Variants in DGKB observed in about 807,000 individuals in gnomAD.
DGKB encodes diacylglycerol kinase beta.
A neutral mutation model predicts 114.3 loss-of-function variants in DGKB; 67 were observed. That is an observed-to-expected ratio of 0.59 (90% CI 0.48 to 0.72). DGKB has a LOEUF of 0.72. Ranked by LOEUF, DGKB falls within the 30% of genes least tolerant of loss-of-function variation. The pLI, the probability that DGKB is intolerant of heterozygous loss-of-function variation, is 0.00. For missense variants in DGKB, 907 were observed against 975.2 expected (o/e 0.93, Z 0.93); for synonymous variants, 398 against 323.1 (o/e 1.23, Z -2.49).
At chr7:14,944,385 G>A (rs1785744592) in intron 1 of DGKB, among the ~76,000 whole-genome samples, 1 of 151,876 alleles carries the variant, frequency 6.6e-6, no homozygotes, top group East Asian at 1.9e-4. Context: ...GGCAGTAACA[G>A]CTGATGACAA....
At chr7:14,277,604 C>A (rs2128446260) in intron 23 of DGKB, among the ~76,000 whole-genome samples, 1 of 152,308 alleles carries the variant, frequency 6.6e-6, no homozygotes, top group Middle Eastern at 3.4e-3. Flanking sequence ...GCGTTTCCCT[C>A]TTTAAGGCTG....
intron 23 of DGKB, among the ~76,000 whole-genome samples, chr7:14,248,416 A>T (rs1055137694): frequency 6.6e-6 from 1 of 152,132 alleles, no homozygotes; most frequent in East Asian, 1.9e-4. Flanking sequence ...TAGGAATTAC[A>T]TTGAATCTGT....
intron 20 of DGKB, among the ~76,000 whole-genome samples, chr7:14,496,028 G>C (rs1785259808): frequency 6.6e-6 from 1 of 151,724 alleles, no homozygotes; most frequent in African/African-American, 2.4e-5. Context: ...TATACTTTTT[G>C]ACTACACAGT....
At chr7:14,380,356 T>C (rs1222437570) in intron 21 of DGKB, among the ~76,000 whole-genome samples, 1 of 152,120 alleles carries the variant, frequency 6.6e-6, no homozygotes, top group Non-Finnish European at 1.5e-5. Context: ...ATGAAAAGTC[T>C]GATAATCAGT....
At chr7:14,472,923 G>C (rs557818825) in intron 21 of DGKB, among the ~76,000 whole-genome samples, 1 of 152,106 alleles carries the variant, frequency 6.6e-6, no homozygotes, top group African/African-American at 2.4e-5. Flanking sequence ...GAGGTGACTT[G>C]GGTGCTGTTA....
chr7:14,313,199 C>T (rs1805704847), intron 23 of DGKB, among the ~76,000 whole-genome samples: 2 of 152,138 alleles, frequency 1.3e-5, no homozygotes, highest in Admixed American at 1.3e-4. Context: ...CTCTTTTTCC[C>T]AACTACATAT....
chr7:14,785,042 T>C (rs974253909), intron 2 of DGKB, among the ~76,000 whole-genome samples: 3 of 152,178 alleles, frequency 2.0e-5, no homozygotes, highest in Non-Finnish European at 4.4e-5. Flanking sequence ...AACTGTGAGA[T>C]GGAGGTCACA....
chr7:14,591,035 G>T (rs1455323635), intron 17 of DGKB, among the ~76,000 whole-genome samples: 1 of 152,050 alleles, frequency 6.6e-6, no homozygotes, highest in African/African-American at 2.4e-5. Flanking sequence ...GGAGACACAA[G>T]GTACAGAGGA....
At chr7:14,192,602 C>T (rs988667314) in intron 23 of DGKB, among the ~76,000 whole-genome samples, 2 of 152,044 alleles carry the variant, frequency 1.3e-5, no homozygotes, top group Non-Finnish European at 2.9e-5. Context: ...CAGCGGTCCT[C>T]AATGTTTTTG....
At chr7:14,244,811 T>C (rs1160629235) in intron 23 of DGKB, among the ~76,000 whole-genome samples, 1 of 151,602 alleles carries the variant, frequency 6.6e-6, no homozygotes, top group African/African-American at 2.4e-5. Context: ...AAAAGACAGC[T>C]CTCTTCTCTA....
intron 7 of DGKB, among the ~76,000 whole-genome samples, chr7:14,699,289 C>T (rs998430684): frequency 6.6e-6 from 1 of 152,140 alleles, no homozygotes; most frequent in African/African-American, 2.4e-5. Context: ...ACATGCATTA[C>T]TAATCTCTCA....
chr7:14,154,770 G>T (rs1782740696), intron 25 of DGKB, among the ~76,000 whole-genome samples: 1 of 150,622 alleles, frequency 6.6e-6, no homozygotes, highest in Non-Finnish European at 1.5e-5. Flanking sequence ...CAAAGTGGTA[G>T]CATCTAATGA....
In DGKB at chr7:14,288,234, A is replaced by AT. The variant is rs1357871823; in HGVS notation, c.2122+50280dup. Among the ~76,000 whole-genome samples, 731 of 75,500 alleles carry AT rather than the reference A, an allele frequency of 9.7e-3. 7 individuals carry two copies. Among genetic ancestry groups the AT allele is most frequent in the African/African-American group, 0.02 (395 of 19,296 alleles). 49.5% of individuals were successfully genotyped at this position (75,500 alleles called of 152,430 possible). A position where few individuals can be genotyped will look rare whatever the true frequency, so the allele number is the denominator to read the frequency against. ...TTGATAATCTGTTTTTTTTTTTTTA[A>AT]TTTTTTTTTTTTGTTAAAAGAAAAA... is the stretch of plus-strand genomic sequence containing the variant. On this transcript the variant is annotated intron_variant, in intron 23 of 25. Transcript: ENST00000402815.
chr7:14,558,835 G>A (rs1430695895), intron 20 of DGKB, among the ~76,000 whole-genome samples: 2 of 152,210 alleles, frequency 1.3e-5, no homozygotes, highest in East Asian at 3.9e-4. Flanking sequence ...TTACACCTAG[G>A]ACTCCATTTG....
chr7:14,549,372 G>T (rs1794779853), intron 20 of DGKB, among the ~76,000 whole-genome samples: 1 of 151,760 alleles, frequency 6.6e-6, no homozygotes, highest in Non-Finnish European at 1.5e-5. Context: ...AAAAGAAGTT[G>T]TTTTACCCCC....
chr7:14,494,703 T>C (rs1785058462), intron 20 of DGKB, among the ~76,000 whole-genome samples: 1 of 151,904 alleles, frequency 6.6e-6, no homozygotes, highest in African/African-American at 2.4e-5. Context: ...GAATAGAAGG[T>C]TGAAAGCGCC....
chr7:14,942,883 C>A (rs1206900994), intron 1 of DGKB, among the ~76,000 whole-genome samples: 1 of 151,894 alleles, frequency 6.6e-6, no homozygotes, highest in East Asian at 1.9e-4. Flanking sequence ...TTTCATAGCA[C>A]TTACTTAATT....
chr7:14,666,985 A>G (rs1462924961), intron 13 of DGKB, among the ~76,000 whole-genome samples: 1 of 152,034 alleles, frequency 6.6e-6, no homozygotes, highest in Non-Finnish European at 1.5e-5. Flanking sequence ...ATATGATAAT[A>G]ATTTTAATTT....
chr7:14,972,671 GAAAAAAA>G (rs35166956), intron 1 of DGKB, among the ~76,000 whole-genome samples: 1 of 140,820 alleles, frequency 7.1e-6, no homozygotes, highest in African/African-American at 2.5e-5. Flanking sequence ...AAAGATTGTT[GAAAAAAA>G]AAAAAAAGAC....
Sources: allele counts gnomAD v4.1 joint callset (sites outside exome capture counted in the v4.1 genomes callset), GRCh38; gene constraint gnomAD v4.1.1; transcripts MANE v1.5; gene names NCBI Gene and HGNC (gene_info 2026-07-23, HGNC 2026-07-21).